The following ANK2 variants were observed in gnomAD, a reference collection of about 807,000 sequenced individuals.
The protein encoded by ANK2 is ankyrin-2.
ANK2 carries 83 observed loss-of-function variants against 360.5 expected under a neutral mutation model. That is an observed-to-expected ratio of 0.23 (90% CI 0.19 to 0.28). ANK2 has a LOEUF of 0.28. Among genes scored for constraint, ANK2 ranks in the 10% least tolerant of loss-of-function variants. ANK2 has a pLI of 1.00. For synonymous variants in ANK2, 1,740 were observed against 1,759.5 expected (o/e 0.99, Z 0.28); for missense variants, 4,201 against 4,795.7 (o/e 0.88, Z 3.66).
chr4:113,213,017 A>T (rs906369115), intron 4 of ANK2, among the ~76,000 whole-genome samples: 1 of 152,244 alleles, frequency 6.6e-6, no homozygotes, highest in Non-Finnish European at 1.5e-5. Context: ...TAATTGTTAA[A>T]ACACTTATAG....
chr4:113,374,933 A>G (rs777207442), intron 45 of ANK2: 2 of 1,212,000 alleles, frequency 1.7e-6, no homozygotes, highest in South Asian at 3.1e-5. Flanking sequence ...TCAGCCAAAG[A>G]TGACTTTGAA....
At chr4:113,199,657 T>C (rs1317943225) in intron 4 of ANK2, among the ~76,000 whole-genome samples, 1 of 152,172 alleles carries the variant, frequency 6.6e-6, no homozygotes, top group African/African-American at 2.4e-5. Flanking sequence ...TGATCCCTTT[T>C]TTTTTCTGGT....
At chr4:112,710,155 T>C in the ANK2 span, among the ~76,000 whole-genome samples, 1 of 152,224 alleles carries the variant, frequency 6.6e-6, no homozygotes, top group Non-Finnish European at 1.5e-5. Context: ...CTGAGCTACA[T>C]ACTCAAGTTC....
intron 39 of ANK2, 49 bp from the exon 40 acceptor site, chr4:113,363,289 C>A: frequency 6.3e-7 from 1 of 1,595,638 alleles, no homozygotes; most frequent in Non-Finnish European, 8.6e-7. Context: ...AATGTAGAGA[C>A]TGAAACCTTG....
chr4:113,193,493 C>T (rs922632931), intron 2 of ANK2, among the ~76,000 whole-genome samples: 7 of 152,096 alleles, frequency 4.6e-5, no homozygotes, highest in Admixed American at 1.3e-4. Flanking sequence ...GATATATGGG[C>T]GTAAGGACTG....
intron 41 of ANK2, among the ~76,000 whole-genome samples, chr4:113,366,988 T>C (rs2096562033): frequency 6.6e-6 from 1 of 152,192 alleles, no homozygotes; most frequent in African/African-American, 2.4e-5. Context: ...CATCTTTCAA[T>C]GACTCCTCAT....
Position 113,355,146 on chromosome 4 carries a change from A to G in ANK2, c.6528A>G (p.Thr2176=), listed in dbSNP as rs1056055886. ...AAGTACTCACTAGTCCTTTCAACAC[A>G]ACATTTCCACTCGACTACATGAAAG... is the stretch of plus-strand genomic sequence containing the variant. ...LDQVLTSPFN[T]TFPLDYMKDE... Residue 2176 remains threonine (T), a synonymous_variant, in exon 38 of 46, where the codon ACA becomes ACG. Transcript: ENST00000357077. 1.9e-6 allele frequency: 3 copies of G among 1,613,968 alleles called. No homozygotes were observed. Among genetic ancestry groups the G allele is most frequent in the African/African-American group, 2.7e-5 (2 of 74,930 alleles).
chr4:112,788,907 T>A, the ANK2 span: 27 of 655,742 alleles, frequency 4.1e-5, no homozygotes, highest in Admixed American at 1.9e-4. Context: ...AGAGTTTTTT[T>A]AATTATTAAT....
At chr4:112,905,371 C>A (rs770042043) in intron 2 of ANK2, among the ~76,000 whole-genome samples, 1 of 152,010 alleles carries the variant, frequency 6.6e-6, no homozygotes, top group Non-Finnish European at 1.5e-5. Flanking sequence ...TGCCAGAATG[C>A]CAAAAGAGGA....
At chr4:113,338,367 AG>A (rs1196049153) in intron 31 of ANK2, among the ~76,000 whole-genome samples, 4 of 152,150 alleles carry the variant, frequency 2.6e-5, no homozygotes, top group Admixed American at 2.6e-4. Flanking sequence ...TTCAATGTAC[AG>A]GGGCCATCCT....
At chr4:112,957,916 G>A (rs1026276087) in intron 2 of ANK2, among the ~76,000 whole-genome samples, 10 of 151,750 alleles carry the variant, frequency 6.6e-5, no homozygotes, top group Non-Finnish European at 1.3e-4. Context: ...CCTCCCAGAC[G>A]GGGTCGCGGC....
intron 2 of ANK2, among the ~76,000 whole-genome samples, chr4:113,038,374 G>T (rs2062079856): frequency 6.6e-6 from 1 of 151,932 alleles, no homozygotes; most frequent in Non-Finnish European, 1.5e-5. Flanking sequence ...GAAATTCATT[G>T]ATAACTGTTT....
intron 34 of ANK2, 130 bp from the exon 35 acceptor site, chr4:113,345,769 GA>G: frequency 7.9e-7 from 1 of 1,272,656 alleles, no homozygotes; most frequent in East Asian, 2.5e-5. Context: ...TAGGAAAAGA[GA>G]AAGGAAATCC....
At chr4:112,742,870 AC>A in the ANK2 span, among the ~76,000 whole-genome samples, 1 of 151,628 alleles carries the variant, frequency 6.6e-6, no homozygotes, top group Non-Finnish European at 1.5e-5. Context: ...GATTACAGGC[AC>A]CCGCCACCAT....
intron 1 of ANK2, among the ~76,000 whole-genome samples, chr4:113,114,037 A>G (rs1158878861): frequency 3.3e-5 from 5 of 152,202 alleles, no homozygotes; most frequent in Non-Finnish European, 5.9e-5. Context: ...TCTGTTCCTT[A>G]ATTAAGGAAA....
chr4:112,775,293 T>C, the ANK2 span, among the ~76,000 whole-genome samples: 1 of 151,968 alleles, frequency 6.6e-6, no homozygotes, highest in African/African-American at 2.4e-5. Flanking sequence ...CCGAGGCAGG[T>C]GGATTACTTG....
At chr4:112,919,967 AT>A (rs2091027072) in intron 2 of ANK2, among the ~76,000 whole-genome samples, 1 of 152,108 alleles carries the variant, frequency 6.6e-6, no homozygotes, top group Non-Finnish European at 1.5e-5. Flanking sequence ...TTGAATAATA[AT>A]TTATTATACG....
At chr4:113,012,050 C>T (rs2054918453) in intron 2 of ANK2, among the ~76,000 whole-genome samples, 1 of 152,034 alleles carries the variant, frequency 6.6e-6, no homozygotes, top group Non-Finnish European at 1.5e-5. Context: ...ACAACATGTT[C>T]TTTGGTCCTG....
At chr4:113,328,953 G>C (rs775945661) in intron 26 of ANK2, among the ~76,000 whole-genome samples, 3 of 152,046 alleles carry the variant, frequency 2.0e-5, no homozygotes, top group African/African-American at 7.3e-5. Flanking sequence ...TTTAAATGTC[G>C]TGGAGGCAAT....
Sources: gnomAD v4.1 joint callset for allele counts (sites outside exome capture counted in the v4.1 genomes callset) on GRCh38, gnomAD v4.1.1 for gene constraint, MANE v1.5 for transcripts, NCBI Gene and HGNC (gene_info 2026-07-23, HGNC 2026-07-21) for gene names.